Variants in LMNTD2 observed in about 807,000 individuals in gnomAD.
LMNTD2 encodes the protein lamin tail domain containing 2, also known as lamin tail domain-containing protein 2.
LMNTD2 carries 83 observed loss-of-function variants against 70.1 expected under a neutral mutation model. The ratio of observed to expected loss-of-function variants is 1.18; its 90% CI spans 0.99 to 1.42. The LOEUF (loss-of-function observed/expected upper bound fraction) is 1.42. LMNTD2 is among the 40% of genes most tolerant of loss of function. The probability of loss-of-function intolerance (pLI) is 0.00; values close to 1 mark genes in which losing one functional copy is unlikely to be tolerated. For missense variants in LMNTD2, 1,153 were observed against 905.9 expected, an observed-to-expected ratio of 1.27 and a Z score of -3.50; for synonymous variants, 534 against 406.1, an observed-to-expected ratio of 1.31 and a Z score of -3.79.
chr11:560,364 A>T (rs1268604856), intron 1 of LMNTD2: 6 of 1,178,556 alleles, frequency 5.1e-6, no homozygotes, highest in Non-Finnish European at 6.3e-6. Context: ...GGTGTCGGAG[A>T]AGAGCCTCAG....
rs748643994 is a variant in LMNTD2, at chr11:555,940, G to C, written c.1378-10C>G. ...GGTGCTCACTGAGGACCTGCGGGGC[G>C]CGTCGGTCACCCCCACACCCCAGCC... On this transcript the variant is annotated splice_polypyrimidine_tract_variant and intron_variant, in intron 11 of 13. Coordinates refer to ENST00000329451, the MANE Select transcript of LMNTD2 (RefSeq NM_173573.3). 2.6e-6 allele frequency: 4 copies of C among 1,556,428 alleles called. No homozygotes were observed. The Admixed American group carries it at 7.6e-5, about 30-fold the overall frequency.
chr11:559,970 T>A, intron 1 of LMNTD2: 1 of 180,924 alleles, frequency 5.5e-6, no homozygotes, highest in Non-Finnish European at 1.1e-5. Context: ...CTCACCTACC[T>A]GACCCCCAAA....
rs1467449132 is a variant in LMNTD2, at chr11:559,274, C to T, written c.35-295G>A. Reference sequence around the variant, plus strand: ...TACCCCTGCCACCCAGGTGCTGGCCCTTTGCCTGTGATGTGGTGTCCCTCT... The same window carrying T: ...TACCCCTGCCACCCAGGTGCTGGCCTTTTGCCTGTGATGTGGTGTCCCTCT... On this transcript the variant is annotated intron_variant, in intron 1 of 13. Coordinates refer to ENST00000329451, the MANE Select transcript of LMNTD2 (RefSeq NM_173573.3). The T allele has an allele frequency of 1.5e-5, 22 of 1,479,452 alleles. No homozygotes were observed. In the East Asian group the frequency reaches 3.4e-4, roughly 23 times the overall value. The allele number at this position is 1,479,452 out of a possible 1,614,324, so 91.6% of individuals were successfully genotyped here.
Position 555,297 on chromosome 11 carries a change from G to A in LMNTD2, c.1773+8C>T. ...GAGGAGGGGGCGCACCCGCAAGCGC[G>A]CACTCACCCGAACTCGGTGTTCTTT... On this transcript the variant is annotated splice_region_variant and intron_variant, in intron 13 of 13. Coordinates refer to ENST00000329451, the MANE Select transcript of LMNTD2 (RefSeq NM_173573.3). 1.4e-6 allele frequency: 2 copies of A among 1,401,774 alleles called. No individual in the cohort carries two copies. Among genetic ancestry groups the A allele is most frequent in the Non-Finnish European group, 9.3e-7 (1 of 1,079,820 alleles). 86.8% of individuals were successfully genotyped at this position (1,401,774 alleles called of 1,614,324 possible).
chr11:556,438 G>T, intron 9 of LMNTD2, 54 bp downstream of exon 9: 1 of 1,545,948 alleles, frequency 6.5e-7, no homozygotes. Context: ...TGCGCGCCCC[G>T]CCCGGAAACC....
Position 560,527 on chromosome 11 carries a change from G to T in LMNTD2, c.34+156C>A, listed in dbSNP as rs1853208280. ...TACTGCAGCTGCGGTAGGCCCCAAA[G>T]GCTGGCCCGGGAAGCGAGGGGAGGG... is the stretch of plus-strand genomic sequence containing the variant. On this transcript the variant is annotated intron_variant, in intron 1 of 13. Transcript: ENST00000329451. 2.8e-5 allele frequency: 36 copies of T among 1,277,620 alleles called. No homozygotes were observed. In the South Asian group the frequency reaches 9.2e-4, roughly 33 times the overall value. 79.1% of individuals were successfully genotyped at this position (1,277,620 alleles called of 1,614,324 possible). A position where few individuals can be genotyped will look rare whatever the true frequency, so the allele number is the denominator to read the frequency against.
Position 558,221 on chromosome 11 carries a change from C to T in LMNTD2, c.339G>A (p.Leu113=), listed in dbSNP as rs758301688. Reference sequence around the variant, plus strand: ...GGATCAGCTTCTGGACCTGGTTCTGCAGGAGTTTCTCCTGACTGTGGGAGC... The same window carrying T: ...GGATCAGCTTCTGGACCTGGTTCTGTAGGAGTTTCTCCTGACTGTGGGAGC... ...KRSSHSQEKL[L]QNQVQKLIQE... The change falls in exon 4 of 14, where the codon CTG becomes CTA. Residue 113 remains leucine, a synonymous_variant. Transcript: ENST00000329451. 6.2e-7 allele frequency: 1 copy of T among 1,613,592 alleles called. No individual in the cohort carries two copies. The highest frequency in any genetic ancestry group is 8.5e-7 in the Non-Finnish European group (1 of 1,179,868).
intron 1 of LMNTD2, chr11:559,417 G>A (rs1418243586): frequency 7.6e-7 from 1 of 1,308,744 alleles, no homozygotes; most frequent in Non-Finnish European, 1.0e-6. Context: ...CCAGCACCCA[G>A]AAGGGGTGGG....
At chr11:559,880 C>A in intron 1 of LMNTD2, 1 of 583,022 alleles carries the variant, frequency 1.7e-6, no homozygotes. Context: ...CCACTTCCGC[C>A]TCCTGACTTG....
rs779289251 is a variant in LMNTD2, at chr11:555,939, C to A, written c.1378-9G>T. 2 of 1,556,334 alleles carry A rather than the reference C, an allele frequency of 1.3e-6. No homozygotes were observed. The highest frequency in any genetic ancestry group is 1.7e-6 in the Non-Finnish European group (2 of 1,159,424). ...CGGTGCTCACTGAGGACCTGCGGGG[C>A]GCGTCGGTCACCCCCACACCCCAGC... On this transcript the variant is annotated splice_polypyrimidine_tract_variant and intron_variant, in intron 11 of 13. Coordinates refer to ENST00000329451, the MANE Select transcript of LMNTD2 (RefSeq NM_173573.3).
At chr11:555,156 C>CGGGAGGGGAG (rs750422378) in intron 13 of LMNTD2, 45 bp from the exon 14 acceptor site, 6 of 159,994 alleles carry the variant, frequency 3.8e-5, no homozygotes, top group Non-Finnish European at 5.9e-5. Flanking sequence ...GGGGCGGGGA[C>CGGGAGGGGAG]GGGAGGGGAG....
At chr11:556,435 C>A in intron 9 of LMNTD2, 57 bp downstream of exon 9, 1 of 1,545,994 alleles carries the variant, frequency 6.5e-7, no homozygotes, top group Non-Finnish European at 8.7e-7. Context: ...AGCTGCGCGC[C>A]CCGCCCGGAA....
chr11:556,747 G>A (rs1589829483), intron 8 of LMNTD2, 88 bp downstream of exon 8: 3 of 1,442,806 alleles, frequency 2.1e-6, no homozygotes, highest in South Asian at 1.4e-5. Context: ...GGGCTGGAGG[G>A]CCACCTCCAG....
chr11:557,192 T>C, intron 7 of LMNTD2, 95 bp from the exon 8 acceptor site: 2 of 1,467,646 alleles, frequency 1.4e-6, no homozygotes, highest in South Asian at 1.4e-5. Context: ...GGAGCCCCTC[T>C]TGCCTCCCAG....
rs376755050 is a variant in LMNTD2 at position 555,942 on chromosome 11, G to A, written c.1378-12C>T. The A allele has an allele frequency of 9.4e-5, 146 of 1,555,894 alleles. 1 individual carries two copies. The African/African-American group carries it at 1.9e-3, about 21-fold the overall frequency. ...TGCTCACTGAGGACCTGCGGGGCGCGTCGGTCACCCCCACACCCCAGCCCC... is the reference window on the plus strand; with the variant it reads ...TGCTCACTGAGGACCTGCGGGGCGCATCGGTCACCCCCACACCCCAGCCCC... On this transcript the variant is annotated splice_polypyrimidine_tract_variant and intron_variant, in intron 11 of 13. Transcript: ENST00000329451.
rs1389662129 is a variant in LMNTD2, at chr11:554,957, G to A, written c.*23C>T. 22 of 1,524,546 alleles carry A rather than the reference G, an allele frequency of 1.4e-5. No individual in the cohort carries two copies. The highest frequency in any genetic ancestry group is 7.7e-5 in the East Asian group (3 of 38,912). The allele number at this position is 1,524,546 out of a possible 1,614,324, so 94.4% of individuals were successfully genotyped here. On this transcript the variant is annotated 3_prime_UTR_variant, in exon 14 of 14. Coordinates refer to ENST00000329451, the MANE Select transcript of LMNTD2 (RefSeq NM_173573.3). ...GCGCCCGCCCGCGCCCTCCCTCGCG[G>A]TCCCGGCCCCACTCCTCCGCCCCTA...
In LMNTD2 at chr11:558,705, CCAGTTCTCGCTGTCTCCACAG is replaced by C. The variant is rs1392723744; in HGVS notation, c.199_219del (p.Leu67_Leu73del). 1 of 1,606,360 alleles carries C rather than the reference CCAGTTCTCGCTGTCTCCACAG, an allele frequency of 6.2e-7. No homozygotes were observed. Among genetic ancestry groups the C allele is most frequent in the Admixed American group, 1.7e-5 (1 of 59,020 alleles). Reference sequence around the variant, plus strand: ...ATGGCCCACCGCAAGGCCTGGATCTCCAGTTCTCGCTGTCTCCACAGCAGCCGCAGTGTGCGAGGGTCCAGG... The same window carrying C: ...ATGGCCCACCGCAAGGCCTGGATCTCCAGCCGCAGTGTGCGAGGGTCCAGG... On this transcript the variant is annotated inframe_deletion, in exon 3 of 14. Transcript: ENST00000329451.
chr11:558,482 G>A, intron 3 of LMNTD2, 132 bp downstream of exon 3: 1 of 1,231,936 alleles, frequency 8.1e-7, no homozygotes, highest in Non-Finnish European at 1.1e-6. Flanking sequence ...TTAGGATCAG[G>A]GTGGAGGGTC....
chr11:558,122 A>G, intron 4 of LMNTD2, 39 bp downstream of exon 4: 1 of 1,609,660 alleles, frequency 6.2e-7, no homozygotes, highest in Non-Finnish European at 8.5e-7. Flanking sequence ...TGGCTCCCCA[A>G]CACCAGGACC....
Sources: gnomAD v4.1 joint callset for allele counts on GRCh38, gnomAD v4.1.1 for gene constraint, MANE v1.5 for transcripts, NCBI Gene and HGNC (gene_info 2026-07-23, HGNC 2026-07-21) for gene names.